The following NOD1 variants were observed in gnomAD, a reference collection of about 807,000 sequenced individuals.
NOD1 encodes the protein nucleotide-binding oligomerization domain-containing protein 1.
Under a neutral mutation model 81.2 loss-of-function variants are expected in NOD1, and 70 were observed. The observed-to-expected ratio is 0.86, with a 90% CI of 0.71 to 1.05. NOD1 has a LOEUF of 1.05. Ranked by LOEUF, NOD1 falls within the 50% of genes least tolerant of loss-of-function variation. The probability of loss-of-function intolerance (pLI) is 0.00; values close to 1 mark genes in which losing one functional copy is unlikely to be tolerated. For synonymous variants in NOD1, 508 were observed against 526.9 expected (o/e 0.96, Z 0.49); for missense variants, 1,233 against 1,228.0 (o/e 1.00, Z -0.06).
intron 7 of NOD1, 190 bp from the exon 8 acceptor site, chr7:30,447,240 C>A: frequency 1.2e-6 from 1 of 818,516 alleles, no homozygotes; most frequent in South Asian, 1.5e-5. Flanking sequence ...CTTTCCCCAG[C>A]TTTATGGCCT....
At chr7:30,435,970 A>T in intron 11 of NOD1, 28 bp downstream of exon 11, 1 of 1,587,874 alleles carries the variant, frequency 6.3e-7, no homozygotes, top group Non-Finnish European at 8.6e-7. Flanking sequence ...AAAAACAAAC[A>T]AACAAATGAA....
At chr7:30,438,583 A>C (rs768108025) in intron 9 of NOD1, among the ~76,000 whole-genome samples, 3 of 152,262 alleles carry the variant, frequency 2.0e-5, no homozygotes, top group Non-Finnish European at 4.4e-5. Context: ...AGCTGCCTCA[A>C]CAACACGTTC....
chr7:30,446,284 C>T, intron 8 of NOD1, 60 bp from the exon 9 acceptor site: 1 of 1,232,100 alleles, frequency 8.1e-7, no homozygotes, highest in East Asian at 2.3e-5. Context: ...ATGTGGGTCA[C>T]CCTCCTCCCC....
In NOD1 at chr7:30,435,795, C is replaced by T. The variant is rs187627570; in HGVS notation, c.2621+203G>A. Among the ~76,000 whole-genome samples the T allele has an allele frequency of 3.1e-3, 472 of 152,080 alleles. 10 individuals carry two copies. The highest frequency in any genetic ancestry group is 1.8e-3 in the Non-Finnish European group (121 of 67,992). Reference sequence around the variant, plus strand: ...GTAACATAGCAAAACCCCATCTCTACAAAAAATTTTAAAATTAACTGGGTG... The same window carrying T: ...GTAACATAGCAAAACCCCATCTCTATAAAAAATTTTAAAATTAACTGGGTG... On this transcript the variant is annotated intron_variant, in intron 11 of 13. Transcript: ENST00000222823.
chr7:30,437,340 T>C (rs750565554), intron 10 of NOD1, among the ~76,000 whole-genome samples: 1 of 152,190 alleles, frequency 6.6e-6, no homozygotes, highest in African/African-American at 2.4e-5. Flanking sequence ...CATTTGCCTA[T>C]GTAACAAACC....
chr7:30,448,503 G>C, intron 6 of NOD1, 122 bp from the exon 7 acceptor site: 1 of 808,048 alleles, frequency 1.2e-6, no homozygotes, highest in East Asian at 2.5e-5. Context: ...GACGCCCCTG[G>C]AGAATGGCCA....
chr7:30,461,690 G>C (rs1397081750), intron 1 of NOD1, among the ~76,000 whole-genome samples: 1 of 152,198 alleles, frequency 6.6e-6, no homozygotes, highest in Non-Finnish European at 1.5e-5. Flanking sequence ...CAGAGTTCCT[G>C]CCTGCTGCCC....
At chr7:30,454,628 T>G (rs1328903191) in intron 5 of NOD1, among the ~76,000 whole-genome samples, 1 of 152,198 alleles carries the variant, frequency 6.6e-6, no homozygotes, top group Non-Finnish European at 1.5e-5. Flanking sequence ...CAAGGCTTTT[T>G]AATTTTTTTC....
chr7:30,451,408 A>T lies in NOD1; in HGVS notation c.2009T>A (p.Leu670Gln). ...GTTGGCGCAGATGCCCCTGGCCGCC[A>T]GCTGCCCCACCTTCTGGCTCTGTGT... is the stretch of plus-strand genomic sequence containing the variant. The part of the protein sequence containing the change: ...YETQSQKVGQ[L>Q]AARGICANYL... Residue 670 changes from leucine (L) to glutamine (Q), a missense_variant, in exon 6 of 14, where the codon CTG becomes CAG. Physicochemically the swap from Leu to Gln is moderately radical, Grantham distance 113. Coordinates refer to ENST00000222823, the MANE Select transcript of NOD1 (RefSeq NM_006092.4). The surrounding 1 kb of genome is among the most constrained non-coding windows in gnomAD (Gnocchi z 4.2). The T allele has an allele frequency of 6.2e-7, 1 of 1,614,002 alleles. No individual in the cohort carries two copies. The highest frequency in any genetic ancestry group is 8.5e-7 in the Non-Finnish European group (1 of 1,180,026).
chr7:30,472,414 G>A (rs4722988), intron 1 of NOD1, among the ~76,000 whole-genome samples: 23,693 of 152,156 alleles, frequency 0.16, 2,021 homozygotes, highest in Admixed American at 0.23. Flanking sequence ...CTTGAGAGGC[G>A]TCCCCAGACT....
In NOD1 at chr7:30,425,602, C is replaced by T. The variant is rs983468606; in HGVS notation, c.*36G>A. ...CAGAGTGGCATTTGCTGCTGAGGCT[C>T]CAGGGCAAAAACCCCATGAACAGGA... On this transcript the variant is annotated 3_prime_UTR_variant, in exon 14 of 14. Coordinates refer to ENST00000222823, the MANE Select transcript of NOD1 (RefSeq NM_006092.4). 6.5e-7 allele frequency: 1 copy of T among 1,530,216 alleles called. No homozygotes were observed. The allele number at this position is 1,530,216 out of a possible 1,614,324, so 94.8% of individuals were successfully genotyped here.
chr7:30,437,440 G>C, intron 10 of NOD1, 133 bp downstream of exon 10: 1 of 521,106 alleles, frequency 1.9e-6, no homozygotes, highest in Middle Eastern at 5.0e-4. Flanking sequence ...TCAAAGAAAG[G>C]TTTGACAAGA....
chr7:30,433,085 C>G lies in NOD1; in HGVS notation c.2705+11G>C. 6.3e-7 allele frequency: 1 copy of G among 1,594,322 alleles called. No homozygotes were observed. ...TAGCACAGTCTGAAATTGTAAGGCT[C>G]TCTGAGTTACCATAAATGCTTTAAC... On this transcript the variant is annotated intron_variant, in intron 12 of 13. Coordinates refer to ENST00000222823, the MANE Select transcript of NOD1 (RefSeq NM_006092.4).
chr7:30,448,335 C>G lies in NOD1; in HGVS notation c.2248G>C (p.Glu750Gln), dbSNP rs147319394. ...ITDGGVKVLS[E>Q]ELTKYKIVTY... ...ACAATTTTGTATTTGGTCAGCTCTT[C>G]GCTTAGCACCTTTACCCCACCGTCA... The change falls in exon 7 of 14, where the codon GAA becomes CAA. Residue 750 changes from glutamate (E) to glutamine (Q), a missense_variant. Coordinates refer to ENST00000222823, the MANE Select transcript of NOD1 (RefSeq NM_006092.4). 1.2e-4 allele frequency: 199 copies of G among 1,614,202 alleles called. No homozygotes were observed. Among genetic ancestry groups the G allele is most frequent in the East Asian group, 8.5e-4 (38 of 44,888 alleles).
intron 13 of NOD1, among the ~76,000 whole-genome samples, chr7:30,425,958 ATTTTCCAGGTCTTGTC>A (rs1004058633): frequency 1.6e-4 from 25 of 151,812 alleles, no homozygotes; most frequent in Admixed American, 1.5e-3. Flanking sequence ...ATTTAATGAC[ATTTTCCAGGTCTTGTC>A]TTTCTTGGCC....
chr7:30,452,197 G>T lies in NOD1; in HGVS notation c.1220C>A (p.Ala407Asp). ...GGGCAGCTGTGGTGAGCCTTCAAAG[G>T]CAGCACGGAAGTGCTGGAAGCACCG... ...IFRCFQHFRA[A>D]FEGSPQLPDC... The change falls in exon 6 of 14, where the codon GCC (alanine) becomes GAC (aspartate). Residue 407 changes from alanine (A) to aspartate (D), a missense_variant. Transcript: ENST00000222823. 1 of 1,613,964 alleles carries T rather than the reference G, an allele frequency of 6.2e-7. No homozygotes were observed. Among genetic ancestry groups the T allele is most frequent in the Non-Finnish European group, 8.5e-7 (1 of 1,180,026 alleles).
chr7:30,460,363 T>C (rs1396857776), intron 1 of NOD1: 1 of 984,818 alleles, frequency 1.0e-6, no homozygotes, highest in Non-Finnish European at 1.2e-6. Flanking sequence ...TGGTAAAGGG[T>C]GGGTCCAGTT....
chr7:30,467,123 G>A lies in NOD1; in HGVS notation c.-351-7082C>T, dbSNP rs1428520300. 1.3e-5 allele frequency among the ~76,000 whole-genome samples: 2 copies of A among 152,228 alleles called. No individual in the cohort carries two copies. The highest frequency in any genetic ancestry group is 2.4e-5 in the African/African-American group (1 of 41,460). ...TAAGACATCCTGTCACTTGAAAAATGTAAGTTGCAGAAAGAAATATAGAGT... is the reference window on the plus strand; with the variant it reads ...TAAGACATCCTGTCACTTGAAAAATATAAGTTGCAGAAAGAAATATAGAGT... On this transcript the variant is annotated intron_variant, in intron 1 of 13. Transcript: ENST00000222823. This position sits in a 1 kb window ranked among gnomAD's most constrained non-coding sequence, Gnocchi z 4.5.
intron 13 of NOD1, among the ~76,000 whole-genome samples, chr7:30,426,529 G>A (rs142331140): frequency 1.3e-5 from 2 of 151,944 alleles, no homozygotes; most frequent in East Asian, 3.9e-4. Flanking sequence ...TCATTTCCAC[G>A]TACTCTGGCC....
Sources: allele counts gnomAD v4.1 joint callset (sites outside exome capture counted in the v4.1 genomes callset), GRCh38; gene constraint gnomAD v4.1.1; non-coding constraint Gnocchi (gnomAD v3.1); transcripts MANE v1.5; gene names NCBI Gene and HGNC (gene_info 2026-07-23, HGNC 2026-07-21).